KIF1A: variants seen among roughly 807,000 people sequenced by gnomAD.
The protein encoded by KIF1A is kinesin-like protein KIF1A.
Under a neutral mutation model 227.3 loss-of-function variants are expected in KIF1A, and 46 were observed. The observed-to-expected ratio is 0.20, with a 90% CI of 0.16 to 0.26. The LOEUF (loss-of-function observed/expected upper bound fraction) is 0.26, where lower values mean the gene tolerates loss of function less well. Ranked by LOEUF, KIF1A falls within the 10% of genes least tolerant of loss-of-function variation. The probability of loss-of-function intolerance (pLI) is 1.00; values close to 1 mark genes in which losing one functional copy is unlikely to be tolerated. For synonymous variants in KIF1A, 1,022 were observed against 1,012.8 expected (o/e 1.01, Z -0.17); for missense variants, 1,683 against 2,485.9 (o/e 0.68, Z 6.87).
At chr2:240,732,837 A>G (rs9917266) in intron 38 of KIF1A, among the ~76,000 whole-genome samples, 69,603 of 93,064 alleles carry the variant, frequency 0.75, 26,638 homozygotes, top group African/African-American at 0.88. Context: ...GGGGAATGAG[A>G]AAAGGATAAG....
intron 27 of KIF1A, among the ~76,000 whole-genome samples, chr2:240,750,929 G>C (rs1267363222): frequency 6.6e-6 from 1 of 152,204 alleles, no homozygotes; most frequent in African/African-American, 2.4e-5. Flanking sequence ...CACTGGCACT[G>C]ATGGCCAGCA....
Position 240,788,047 on chromosome 2 carries a change from G to A in KIF1A, c.363+4C>T, listed in dbSNP as rs770137926. On this transcript the variant is annotated splice_donor_region_variant and intron_variant, in intron 4 of 48. Transcript: ENST00000498729. The surrounding 1 kb of genome is among the most constrained non-coding windows in gnomAD (Gnocchi z 6.6). ...GCTGCCCCCGCCCGCCCCCCGCTTC[G>A]TGCCTGTGGGATGATGCCCTGCTGG... 19 of 1,301,454 alleles carry A rather than the reference G, an allele frequency of 1.5e-5. No individual in the cohort carries two copies. The highest frequency in any genetic ancestry group is 1.6e-5 in the African/African-American group (1 of 64,078). 80.6% of individuals were successfully genotyped at this position (1,301,454 alleles called of 1,614,324 possible).
rs754421385 is a variant in KIF1A, at chr2:240,742,982, G to T, written c.3587C>A (p.Pro1196His). 1.2e-6 allele frequency: 2 copies of T among 1,608,934 alleles called. No individual in the cohort carries two copies. Among genetic ancestry groups the T allele is most frequent in the South Asian group, 1.1e-5 (1 of 90,156 alleles). Residue 1196 changes from proline (P) to histidine (H), a missense_variant and splice_region_variant, in exon 34 of 49, where the codon CCC (proline) becomes CAC (histidine). By Grantham distance (77) the Pro-to-His change is moderately conservative. This residue lies in a region of KIF1A where 759 missense variants were observed against 1,020.2 expected (regional missense o/e 0.74). Transcript: ENST00000498729. Reference sequence around the variant, plus strand: ...GAAGTGGCGGCGCGAGGGCCTCAGGGGGCTGTGGAGAAAGGACCAGTGTGA... The same window carrying T: ...GAAGTGGCGGCGCGAGGGCCTCAGGTGGCTGTGGAGAAAGGACCAGTGTGA... Reference protein sequence around the residue: ...FPPLCKDVLSPLRPSRRHFPR... With the variant: ...FPPLCKDVLSHLRPSRRHFPR...
rs1469760909 is a variant in KIF1A, at chr2:240,786,379, G to A, written c.564C>T (p.Ser188=). ...CCATGAGGTCCTGGATGTCATTGTA[G>A]GAGGTGACAGCCAGCTTGGAGAGGT... ...VEDLSKLAVT[S]YNDIQDLMDS... Residue 188 remains serine (S), a synonymous_variant, in exon 6 of 49, where the codon TCC becomes TCT. Coordinates refer to ENST00000498729, the MANE Select transcript of KIF1A (RefSeq NM_001244008.2). 1 of 1,613,566 alleles carries A rather than the reference G, an allele frequency of 6.2e-7. No homozygotes were observed. Among genetic ancestry groups the A allele is most frequent in the African/African-American group, 1.3e-5 (1 of 74,940 alleles).
intron 2 of KIF1A, among the ~76,000 whole-genome samples, chr2:240,791,216 G>A (rs867351957): frequency 2.6e-5 from 4 of 152,210 alleles, no homozygotes; most frequent in Middle Eastern, 6.8e-3. Flanking sequence ...AGCGCCTGCC[G>A]GGACCCAACA....
chr2:240,796,770 C>T lies in KIF1A; in HGVS notation c.106+877G>A, dbSNP rs368088289. On this transcript the variant is annotated intron_variant, in intron 2 of 48. Transcript: ENST00000498729. ...CCAGACAGAGGGCCCGAGCAGAGCC[C>T]TCACTTCCATAGGACGTGACAGAGC... 8.5e-5 allele frequency among the ~76,000 whole-genome samples: 13 copies of T among 152,224 alleles called. No homozygotes were observed. The South Asian group carries it at 2.3e-3, about 27-fold the overall frequency.
chr2:240,744,954 C>T (rs1053045190), intron 32 of KIF1A, among the ~76,000 whole-genome samples: 1 of 152,168 alleles, frequency 6.6e-6, no homozygotes, highest in East Asian at 1.9e-4. Flanking sequence ...GAAGGAGCTG[C>T]TCCGCCTTAA....
chr2:240,734,119 G>A (rs1250893835), intron 38 of KIF1A, among the ~76,000 whole-genome samples: 2 of 152,264 alleles, frequency 1.3e-5, no homozygotes, highest in Non-Finnish European at 2.9e-5. Context: ...ACGGCCAGAG[G>A]AGCGTGGCTG....
rs996545337 is a variant in KIF1A at position 240,739,786 on chromosome 2, G to A, written c.3901+272C>T. ...CAGAAGTGTGAGATGATAAATGTCT[G>A]CTGTTTTAAGCTACCTGGTTTGTGG... On this transcript the variant is annotated intron_variant, in intron 37 of 48. Transcript: ENST00000498729. The surrounding 1 kb of genome is among the most constrained non-coding windows in gnomAD (Gnocchi z 5.6). Among the ~76,000 whole-genome samples the A allele has an allele frequency of 6.6e-6, 1 of 152,194 alleles. No homozygotes were observed. The highest frequency in any genetic ancestry group is 1.5e-5 in the Non-Finnish European group (1 of 68,040).
intron 10 of KIF1A, among the ~76,000 whole-genome samples, chr2:240,780,888 A>ACACACACACACAGCTC: frequency 8.5e-6 from 1 of 117,190 alleles, no homozygotes; most frequent in African/African-American, 4.4e-5. Context: ...ACAGCTCCAC[A>ACACACACACACAGCTC]CACACACACA....
At chr2:240,743,810 C>G (rs1239054892) in intron 33 of KIF1A, 132 bp downstream of exon 33, 1 of 620,206 alleles carries the variant, frequency 1.6e-6, no homozygotes, top group African/African-American at 1.8e-5. Context: ...GGGCAAAAGG[C>G]CTCCTGGATG....
intron 42 of KIF1A, 128 bp from the exon 43 acceptor site, chr2:240,722,784 T>C (rs1368500937): frequency 1.4e-5 from 10 of 705,494 alleles, no homozygotes; most frequent in African/African-American, 3.7e-5. Flanking sequence ...GGGCTAAGAC[T>C]GAAGACTGAC....
intron 37 of KIF1A, among the ~76,000 whole-genome samples, chr2:240,738,280 G>A (rs2047580535): frequency 6.6e-6 from 1 of 152,216 alleles, no homozygotes; most frequent in Non-Finnish European, 1.5e-5. Flanking sequence ...GCCAGGGGTT[G>A]GGCTGGGGTC....
At chr2:240,804,085 G>A (rs1490852733) in intron 1 of KIF1A, among the ~76,000 whole-genome samples, 2 of 152,182 alleles carry the variant, frequency 1.3e-5, no homozygotes, top group Admixed American at 6.5e-5. Context: ...GGCCAAGACG[G>A]TGAAACCCCA....
Position 240,788,633 on chromosome 2 carries a change from AGGACAGT to A in KIF1A, c.184-410_184-404del, listed in dbSNP as rs1231394059. ...GCTACAGCGCCTGGACACTGTCCTG[AGGACAGT>A]GGGGCACTTTAGGCAGGGGGACAGG... On this transcript the variant is annotated intron_variant, in intron 3 of 48. Transcript: ENST00000498729. This position sits in a 1 kb window ranked among gnomAD's most constrained non-coding sequence, Gnocchi z 6.6. Among the ~76,000 whole-genome samples, 2 of 151,940 alleles carry A rather than the reference AGGACAGT, an allele frequency of 1.3e-5. No homozygotes were observed. Among genetic ancestry groups the A allele is most frequent in the African/African-American group, 4.8e-5 (2 of 41,366 alleles).
chr2:240,792,966 T>C lies in KIF1A; in HGVS notation c.107-3654A>G, dbSNP rs759524482. On this transcript the variant is annotated intron_variant, in intron 2 of 48. Transcript: ENST00000498729. The surrounding 1 kb of genome is among the most constrained non-coding windows in gnomAD (Gnocchi z 4.5). Reference sequence around the variant, plus strand: ...TCCAGACTGCGGAGAAGGGAACATATGCTGTTTAAGACGCCCACTCTGCAG... The same window carrying C: ...TCCAGACTGCGGAGAAGGGAACATACGCTGTTTAAGACGCCCACTCTGCAG... 7.5e-4 allele frequency among the ~76,000 whole-genome samples: 114 copies of C among 152,274 alleles called. No individual in the cohort carries two copies. The highest frequency in any genetic ancestry group is 1.4e-3 in the Non-Finnish European group (96 of 68,028).
Position 240,757,497 on chromosome 2 carries a change from C to T in KIF1A, c.2680G>A (p.Asp894Asn), listed in dbSNP as rs1064796756. The T allele has an allele frequency of 2.6e-5, 41 of 1,550,332 alleles. No homozygotes were observed. The Middle Eastern group carries it at 1.0e-3, about 38-fold the overall frequency. ...TCGGCAGGCTCGGTGGCGTCGGAGTCGGGGCTCGAGAAGGTGGGGGAGGGG... is the reference window on the plus strand; with the variant it reads ...TCGGCAGGCTCGGTGGCGTCGGAGTTGGGGCTCGAGAAGGTGGGGGAGGGG... ...LTPSPTFSSP[D>N]SDATEPAEEQ... Residue 894 changes from aspartate to asparagine, a missense_variant, in exon 27 of 49, where the codon GAC becomes AAC. This residue lies in a region of KIF1A where 759 missense variants were observed against 1,020.2 expected (regional missense o/e 0.74). Coordinates refer to ENST00000498729, the MANE Select transcript of KIF1A (RefSeq NM_001244008.2). This position sits in a 1 kb window ranked among gnomAD's most constrained non-coding sequence, Gnocchi z 6.2.
rs1055353342 is a variant in KIF1A, at chr2:240,757,407, G to A, written c.2770C>T (p.Leu924=). 5.1e-5 allele frequency: 78 copies of A among 1,538,824 alleles called. No homozygotes were observed. Among genetic ancestry groups the A allele is most frequent in the Non-Finnish European group, 6.1e-5 (70 of 1,144,814 alleles). The change falls in exon 27 of 49, where the codon CTG becomes TTG. Residue 924 remains leucine, a synonymous_variant. Coordinates refer to ENST00000498729, the MANE Select transcript of KIF1A (RefSeq NM_001244008.2). The surrounding 1 kb of genome is among the most constrained non-coding windows in gnomAD (Gnocchi z 6.2). ...TGCTCCGGAAAGACGTCGTCCTCCA[G>A]GTCCTCCTCCTCCTCATCCTCCTCC... The part of the protein sequence containing the change: ...EEEEDEEEED[L]EDDVFPEHAL...
At position 240,763,218 on chromosome 2, in the gene KIF1A, G is replaced by C; in HGVS notation, c.1897C>G (p.Arg633Gly). Residue 633 changes from arginine to glycine, a missense_variant, in exon 21 of 49, where the codon CGT becomes GGT. This residue lies in a region of KIF1A where 217 missense variants were observed against 427.0 expected (regional missense o/e 0.51). Transcript: ENST00000498729. Reference sequence around the variant, plus strand: ...ATGCCCTGCTTCTCCAGCAGCTCACGCTGGGCGAAGGCCCAGTCCACAGGC... The same window carrying C: ...ATGCCCTGCTTCTCCAGCAGCTCACCCTGGGCGAAGGCCCAGTCCACAGGC... ...AEPVDWAFAQ[R>G]ELLEKQGIDM... is the part of the protein sequence containing the mutation. The C allele has an allele frequency of 6.2e-7, 1 of 1,612,932 alleles. No homozygotes were observed. The highest frequency in any genetic ancestry group is 8.5e-7 in the Non-Finnish European group (1 of 1,179,808).
Sources: allele counts gnomAD v4.1 joint callset (sites outside exome capture counted in the v4.1 genomes callset), GRCh38; gene constraint gnomAD v4.1.1; regional missense constraint gnomAD v4.1.1; non-coding constraint Gnocchi (gnomAD v3.1); transcripts MANE v1.5; gene names NCBI Gene and HGNC (gene_info 2026-07-23, HGNC 2026-07-21).